ARHGEF38: variants seen among roughly 807,000 people sequenced by gnomAD.
The protein encoded by ARHGEF38 is Rho guanine nucleotide exchange factor 38.
Under a neutral mutation model 79.9 loss-of-function variants are expected in ARHGEF38, and 79 were observed. The observed-to-expected ratio is 0.99, with a 90% CI of 0.82 to 1.19. The LOEUF is 1.19. Among genes scored for constraint, ARHGEF38 ranks in the 50% most tolerant of loss-of-function variants. ARHGEF38 has a pLI of 0.00. For synonymous variants in ARHGEF38, 366 were observed against 328.3 expected (o/e 1.11, Z -1.24); for missense variants, 962 against 907.2 (o/e 1.06, Z -0.78).
chr4:105,583,289 C>A (rs1214305939), intron 1 of ARHGEF38, among the ~76,000 whole-genome samples: 1 of 152,138 alleles, frequency 6.6e-6, no homozygotes, highest in Admixed American at 6.5e-5. Context: ...AGCTTTTCTG[C>A]AATATCACAA....
At chr4:105,676,143 C>T (rs1731108926) in intron 13 of ARHGEF38, among the ~76,000 whole-genome samples, 1 of 152,216 alleles carries the variant, frequency 6.6e-6, no homozygotes, top group African/African-American at 2.4e-5. Context: ...ACTACGCATT[C>T]TCTTTCTCTG....
At chr4:105,675,883 T>C (rs926176087) in intron 13 of ARHGEF38, among the ~76,000 whole-genome samples, 2 of 152,148 alleles carry the variant, frequency 1.3e-5, no homozygotes, top group African/African-American at 2.4e-5. Context: ...ATTCAGGAAG[T>C]TGAAGGCTAA....
rs59465723 is a variant in ARHGEF38 at position 105,659,849 on chromosome 4, TTGTGTGTGTGTGTGTG to T, written c.1545+508_1545+523del. ...TTCCCCAAGAAAGAGAAGCCTGGTT[TTGTGTGTGTGTGTGTG>T]TGTGTGTGTGTGTGTGTGTGTGTAG... On this transcript the variant is annotated intron_variant, in intron 10 of 13. Transcript: ENST00000420470. Among the ~76,000 whole-genome samples the T allele has an allele frequency of 7.5e-5, 10 of 133,232 alleles. No individual in the cohort carries two copies. In the South Asian group the frequency reaches 1.2e-3, roughly 16 times the overall value. The allele number at this position is 133,232 out of a possible 152,430, so 87.4% of individuals were successfully genotyped here. A position where few individuals can be genotyped will look rare whatever the true frequency, so the allele number is the denominator to read the frequency against.
intron 1 of ARHGEF38, among the ~76,000 whole-genome samples, chr4:105,558,864 CA>C (rs1174192523): frequency 5.4e-5 from 8 of 147,880 alleles, no homozygotes; most frequent in Admixed American, 4.0e-4. Flanking sequence ...AATGAGACAT[CA>C]AGAGGAAGAA....
chr4:105,587,947 A>G (rs1727137203), intron 1 of ARHGEF38, among the ~76,000 whole-genome samples: 1 of 152,144 alleles, frequency 6.6e-6, no homozygotes, highest in South Asian at 2.1e-4. Context: ...TTCCAAACTG[A>G]TGCTGGAATT....
intron 6 of ARHGEF38, among the ~76,000 whole-genome samples, chr4:105,647,926 G>GTC (rs891970126): frequency 6.3e-5 from 8 of 127,108 alleles, no homozygotes; most frequent in African/African-American, 2.5e-4. Flanking sequence ...GTCTTGCTCT[G>GTC]TCATCCATGC....
chr4:105,605,320 C>A lies in ARHGEF38; in HGVS notation c.385-8064C>A, dbSNP rs549203788. The stretch of plus-strand genomic sequence containing the variant: ...GATTTTAAGTTCCAGGGCTGTTGGA[C>A]TTCTTAACTCAGGGACTTCTCGAGT... On this transcript the variant is annotated intron_variant, in intron 2 of 13. Transcript: ENST00000420470. Among the ~76,000 whole-genome samples the A allele has an allele frequency of 4.6e-5, 7 of 152,090 alleles. No individual in the cohort carries two copies. The South Asian group carries it at 1.5e-3, about 32-fold the overall frequency.
Position 105,636,839 on chromosome 4 carries a change from A to T in ARHGEF38, c.674+419A>T, listed in dbSNP as rs547711384. ...AAAGATTATTTTATGAAAATATTAG[A>T]TTTCTTCTAATTTCAAGTCTTGTAT... On this transcript the variant is annotated intron_variant, in intron 5 of 13. Transcript: ENST00000420470. Among the ~76,000 whole-genome samples, 4 of 152,224 alleles carry T rather than the reference A, an allele frequency of 2.6e-5. No homozygotes were observed. In the East Asian group the frequency reaches 7.7e-4, roughly 29 times the overall value.
At chr4:105,601,470 C>A (rs184020400) in intron 2 of ARHGEF38, among the ~76,000 whole-genome samples, 51 of 152,198 alleles carry the variant, frequency 3.4e-4, no homozygotes, top group Admixed American at 5.9e-4. Context: ...AGTAAGGGAA[C>A]AGGGAAATGA....
At chr4:105,580,943 G>A (rs565132547) in intron 1 of ARHGEF38, among the ~76,000 whole-genome samples, 1 of 152,274 alleles carries the variant, frequency 6.6e-6, no homozygotes, top group African/African-American at 2.4e-5. Flanking sequence ...CCAAACTGCT[G>A]GGATTACAGG....
intron 3 of ARHGEF38, among the ~76,000 whole-genome samples, chr4:105,618,662 T>C (rs1023949523): frequency 2.0e-5 from 3 of 152,086 alleles, no homozygotes; most frequent in African/African-American, 7.2e-5. Flanking sequence ...CAAATTCACA[T>C]TACATAAACA....
Position 105,589,158 on chromosome 4 carries a change from G to A in ARHGEF38, c.197-90G>A, listed in dbSNP as rs547848363. 38 of 1,050,556 alleles carry A rather than the reference G, an allele frequency of 3.6e-5. No individual in the cohort carries two copies. In the African/African-American group the frequency reaches 6.0e-4, roughly 16 times the overall value. The allele number at this position is 1,050,556 out of a possible 1,614,324, so 65.1% of individuals were successfully genotyped here. On this transcript the variant is annotated intron_variant, in intron 1 of 13. Coordinates refer to ENST00000420470, the MANE Select transcript of ARHGEF38 (RefSeq NM_001242729.2). ...GAGGATACCTTCAGCCTTTTTCCTT[G>A]TTAACAAAGTCCTTCGAAGGCGTTG...
chr4:105,583,889 C>T (rs1726912546), intron 1 of ARHGEF38, among the ~76,000 whole-genome samples: 1 of 152,102 alleles, frequency 6.6e-6, no homozygotes, highest in Admixed American at 6.6e-5. Context: ...ACCACCAAGG[C>T]TGAGACAAAT....
chr4:105,654,987 A>T (rs1730263616), intron 8 of ARHGEF38, among the ~76,000 whole-genome samples: 1 of 152,212 alleles, frequency 6.6e-6, no homozygotes, highest in Non-Finnish European at 1.5e-5. Flanking sequence ...ACAAGTTTCC[A>T]TGTACATGTA....
chr4:105,664,695 C>T (rs943229359), intron 10 of ARHGEF38, among the ~76,000 whole-genome samples: 1 of 152,138 alleles, frequency 6.6e-6, no homozygotes, highest in African/African-American at 2.4e-5. Flanking sequence ...GAGTATGGCA[C>T]AGGAAAACCT....
chr4:105,620,471 C>T (rs1308785034), intron 3 of ARHGEF38, among the ~76,000 whole-genome samples: 1 of 152,088 alleles, frequency 6.6e-6, no homozygotes, highest in Non-Finnish European at 1.5e-5. Context: ...AATTAATATC[C>T]AATAGATGAT....
intron 1 of ARHGEF38, among the ~76,000 whole-genome samples, chr4:105,559,397 G>T (rs1001834588): frequency 6.6e-6 from 1 of 152,036 alleles, no homozygotes; most frequent in African/African-American, 2.4e-5. Flanking sequence ...ATTGATGATG[G>T]GGGTGTTTCT....
chr4:105,657,600 T>C (rs112816956), intron 9 of ARHGEF38, among the ~76,000 whole-genome samples: 1 of 152,064 alleles, frequency 6.6e-6, no homozygotes, highest in Non-Finnish European at 1.5e-5. Context: ...TGGATATATA[T>C]ATATATATAA....
intron 2 of ARHGEF38, among the ~76,000 whole-genome samples, chr4:105,599,392 T>A (rs1405639595): frequency 6.6e-6 from 1 of 152,260 alleles, no homozygotes; most frequent in African/African-American, 2.4e-5. Flanking sequence ...CAGTGCAGGA[T>A]TTGGGATGCC....
Sources: gnomAD v4.1 joint callset for allele counts (sites outside exome capture counted in the v4.1 genomes callset) on GRCh38, gnomAD v4.1.1 for gene constraint, MANE v1.5 for transcripts, NCBI Gene and HGNC (gene_info 2026-07-23, HGNC 2026-07-21) for gene names.